RARB: variants seen among roughly 807,000 people sequenced by gnomAD.
The protein encoded by RARB is HBV-activated protein.
Under a neutral mutation model 51.9 loss-of-function variants are expected in RARB, and 17 were observed. The ratio of observed to expected loss-of-function variants is 0.33; its 90% CI spans 0.22 to 0.49. The LOEUF (loss-of-function observed/expected upper bound fraction) is 0.49. Among genes scored for constraint, RARB ranks in the 20% least tolerant of loss-of-function variants. The pLI, the probability that RARB is intolerant of heterozygous loss-of-function variation, is 0.99. For synonymous variants in RARB, 215 were observed against 195.4 expected, an observed-to-expected ratio of 1.10 and a Z score of -0.84; for missense variants, 369 against 550.8, an observed-to-expected ratio of 0.67 and a Z score of 3.30.
intron 5 of RARB, among the ~76,000 whole-genome samples, chr3:25,258,304 C>A (rs976792480): frequency 3.5e-4 from 53 of 152,224 alleles, no homozygotes; most frequent in African/African-American, 1.3e-3. Context: ...TAGCTAATCA[C>A]CCCAAAGTGA....
intron 3 of RARB, among the ~76,000 whole-genome samples, chr3:25,123,295 T>C (rs917396450): frequency 6.6e-6 from 1 of 152,206 alleles, no homozygotes; most frequent in Admixed American, 6.5e-5. Flanking sequence ...TTTTCAGGAC[T>C]GAGCATCTGT....
chr3:25,139,176 A>T (rs1700074672), intron 4 of RARB, among the ~76,000 whole-genome samples: 1 of 152,138 alleles, frequency 6.6e-6, no homozygotes, highest in Admixed American at 6.6e-5. Context: ...AATTAGGCTG[A>T]TTAATAACCC....
chr3:24,869,950 A>T (rs1702917335), intron 2 of RARB, among the ~76,000 whole-genome samples: 2 of 152,062 alleles, frequency 1.3e-5, no homozygotes, highest in Non-Finnish European at 2.9e-5. Context: ...CTTAGTATGG[A>T]AAATCTCATT....
At chr3:25,579,345 T>A (rs1206693801) in intron 4 of RARB, among the ~76,000 whole-genome samples, 3 of 152,120 alleles carry the variant, frequency 2.0e-5, no homozygotes, top group African/African-American at 7.2e-5. Flanking sequence ...CTCCAGAGAG[T>A]TTCCTTGTGC....
intron 4 of RARB, among the ~76,000 whole-genome samples, chr3:25,137,481 C>G (rs944647036): frequency 1.3e-5 from 2 of 151,880 alleles, no homozygotes; most frequent in African/African-American, 2.4e-5. Flanking sequence ...CAGTAACTTA[C>G]AGAAAAACCC....
chr3:25,058,990 A>C (rs745383542), intron 2 of RARB, among the ~76,000 whole-genome samples: 5 of 151,766 alleles, frequency 3.3e-5, no homozygotes, highest in Non-Finnish European at 7.4e-5. Context: ...CCACCAAGAG[A>C]TAACCAGTAT....
chr3:25,072,772 G>T (rs914424381), intron 3 of RARB, among the ~76,000 whole-genome samples: 1 of 151,834 alleles, frequency 6.6e-6, no homozygotes. Context: ...GCAGTGGCGC[G>T]ATCTCGGCTC....
chr3:25,516,213 C>G (rs1433182101), intron 3 of RARB, among the ~76,000 whole-genome samples: 1 of 151,976 alleles, frequency 6.6e-6, no homozygotes, highest in African/African-American at 2.4e-5. Flanking sequence ...AATTAACAGG[C>G]CAGGGATTTC....
intron 3 of RARB, among the ~76,000 whole-genome samples, chr3:25,096,905 T>C (rs1463528507): frequency 2.6e-5 from 4 of 152,198 alleles, no homozygotes. Flanking sequence ...TGCTGTTTCC[T>C]TTCCAGTTAC....
intron 2 of RARB, among the ~76,000 whole-genome samples, chr3:24,871,388 G>A (rs1345221835): frequency 6.6e-6 from 1 of 152,088 alleles, no homozygotes; most frequent in African/African-American, 2.4e-5. Context: ...TCTGACAAAC[G>A]TCGTTAGTCC....
intron 4 of RARB, among the ~76,000 whole-genome samples, chr3:25,145,833 T>TA (rs1176867339): frequency 4.2e-5 from 1 of 23,850 alleles, no homozygotes; most frequent in Non-Finnish European, 7.3e-5. Flanking sequence ...CCATCTCTAC[T>TA]AAAAATACAA....
chr3:25,067,237 C>T (rs1249606838), intron 3 of RARB, among the ~76,000 whole-genome samples: 2 of 151,950 alleles, frequency 1.3e-5, no homozygotes, highest in African/African-American at 2.4e-5. Flanking sequence ...ATGATACTGC[C>T]CGAGAGAGTA....
intron 5 of RARB, among the ~76,000 whole-genome samples, chr3:25,319,484 A>G (rs1051944953): frequency 3.9e-5 from 6 of 152,118 alleles, no homozygotes; most frequent in African/African-American, 1.4e-4. Flanking sequence ...TTCTCAACAC[A>G]TTGTTAGTTT....
At chr3:25,386,581 A>T (rs1706800859) in intron 5 of RARB, among the ~76,000 whole-genome samples, 1 of 152,238 alleles carries the variant, frequency 6.6e-6, no homozygotes, top group Non-Finnish European at 1.5e-5. Context: ...ATTCAGGCGG[A>T]GGCCTTGGGC....
intron 2 of RARB, among the ~76,000 whole-genome samples, chr3:24,919,311 G>T (rs1695168874): frequency 1.3e-5 from 2 of 152,178 alleles, no homozygotes; most frequent in Admixed American, 6.5e-5. Context: ...GCCTAAAGCT[G>T]CCTCTTTACG....
intron 4 of RARB, among the ~76,000 whole-genome samples, chr3:25,580,093 G>A (rs1176406891): frequency 2.0e-5 from 3 of 152,220 alleles, no homozygotes; most frequent in East Asian, 3.9e-4. Flanking sequence ...GGATGAATCC[G>A]ACCGGACACA....
chr3:25,387,725 G>A (rs1018856234), intron 5 of RARB, among the ~76,000 whole-genome samples: 7 of 152,078 alleles, frequency 4.6e-5, no homozygotes, highest in Non-Finnish European at 8.8e-5. Context: ...CACACATAAT[G>A]AGGTCTCACT....
chr3:25,430,698 A>G (rs1044950116), intron 1 of RARB, among the ~76,000 whole-genome samples: 31 of 152,228 alleles, frequency 2.0e-4, no homozygotes, highest in African/African-American at 7.5e-4. Flanking sequence ...AAGTGTTGAT[A>G]ACAGCAAAGT....
At chr3:25,190,728 C>A (rs537396282) in intron 5 of RARB, among the ~76,000 whole-genome samples, 47 of 152,276 alleles carry the variant, frequency 3.1e-4, no homozygotes, top group African/African-American at 1.1e-3. Flanking sequence ...CTCCTCCCCA[C>A]TTCTAGATTT....
Sources: gnomAD v4.1 joint callset for allele counts (sites outside exome capture counted in the v4.1 genomes callset) on GRCh38, gnomAD v4.1.1 for gene constraint, MANE v1.5 for transcripts, NCBI Gene and HGNC (gene_info 2026-07-23, HGNC 2026-07-21) for gene names.